MTPN: variants seen among roughly 807,000 people sequenced by gnomAD.
MTPN encodes myotrophin, also known as granule cell differentiation protein.
Under a neutral mutation model 13.5 loss-of-function variants are expected in MTPN, and 2 were observed. The ratio of observed to expected loss-of-function variants is 0.15; its 90% CI spans 0.06 to 0.47. The LOEUF is 0.47. Among genes scored for constraint, MTPN ranks in the 20% least tolerant of loss-of-function variants. MTPN has a pLI of 0.97. For missense variants in MTPN, 79 were observed against 137.9 expected, an observed-to-expected ratio of 0.57 and a Z score of 2.14; for synonymous variants, 46 against 51.7, an observed-to-expected ratio of 0.89 and a Z score of 0.48.
chr7:135,931,891 A>G (rs143158470), intron 3 of MTPN, among the ~76,000 whole-genome samples: 143 of 152,236 alleles, frequency 9.4e-4, no homozygotes, highest in African/African-American at 3.0e-3. Flanking sequence ...TGATGTTTTG[A>G]TACAGGCATA....
chr7:135,968,706 T>C (rs1194613702), intron 1 of MTPN, among the ~76,000 whole-genome samples: 1 of 145,800 alleles, frequency 6.9e-6, no homozygotes, highest in Non-Finnish European at 1.5e-5. Flanking sequence ...GTCCCACAGA[T>C]CACACGATCC....
chr7:135,949,897 G>C (rs1562932197), intron 3 of MTPN, among the ~76,000 whole-genome samples: 1 of 152,166 alleles, frequency 6.6e-6, no homozygotes, highest in Non-Finnish European at 1.5e-5. Flanking sequence ...ACACTTTCCA[G>C]AGTATGGTCA....
At chr7:135,976,531 T>C (rs1217167055) in intron 1 of MTPN, among the ~76,000 whole-genome samples, 1 of 147,126 alleles carries the variant, frequency 6.8e-6, no homozygotes, top group Admixed American at 6.7e-5. Flanking sequence ...CTATTTCTAT[T>C]TTCGGTACTC....
intron 3 of MTPN, among the ~76,000 whole-genome samples, chr7:135,947,435 T>C (rs1584810820): frequency 6.6e-6 from 1 of 152,300 alleles, no homozygotes; most frequent in African/African-American, 2.4e-5. Context: ...AAGCAGATAC[T>C]GATCAACTCA....
chr7:135,943,348 C>G (rs531111479), intron 3 of MTPN, among the ~76,000 whole-genome samples: 1 of 152,180 alleles, frequency 6.6e-6, no homozygotes, highest in Non-Finnish European at 1.5e-5. Context: ...ACATTTGATT[C>G]CCAATTCAAG....
intron 1 of MTPN, among the ~76,000 whole-genome samples, chr7:135,966,928 C>T (rs1412184442): frequency 6.6e-6 from 1 of 152,092 alleles, no homozygotes; most frequent in African/African-American, 2.4e-5. Context: ...AAAAATGCCC[C>T]ACTATAAGCA....
intron 1 of MTPN, among the ~76,000 whole-genome samples, chr7:135,974,323 C>T (rs1367677975): frequency 2.0e-5 from 3 of 152,120 alleles, no homozygotes; most frequent in African/African-American, 4.8e-5. Context: ...GCCAGAAGAT[C>T]GCTTGAGGCT....
rs191577468 is a variant in MTPN, at chr7:135,976,121, T to C, written c.72+908A>G. Among the ~76,000 whole-genome samples the C allele has an allele frequency of 1.8e-4, 27 of 152,352 alleles. No individual in the cohort carries two copies. The East Asian group carries it at 3.5e-3, about 20-fold the overall frequency. Reference sequence around the variant, plus strand: ...AATTAAAATCACATGTTAAGTTCTCTCATAATTACAAAGGCACAGTTTCAG... The same window carrying C: ...AATTAAAATCACATGTTAAGTTCTCCCATAATTACAAAGGCACAGTTTCAG... On this transcript the variant is annotated intron_variant, in intron 1 of 3. Coordinates refer to ENST00000393085, the MANE Select transcript of MTPN (RefSeq NM_145808.4).
rs1798977722 is a variant in MTPN, at chr7:135,929,362, T to C, written c.*564A>G. The C allele has an allele frequency of 1.2e-5, 2 of 167,160 alleles. No homozygotes were observed. Among genetic ancestry groups the C allele is most frequent in the Non-Finnish European group, 2.9e-5 (2 of 68,212 alleles). 10.4% of individuals were successfully genotyped at this position (167,160 alleles called of 1,614,324 possible). On this transcript the variant is annotated 3_prime_UTR_variant, in exon 4 of 4. Coordinates refer to ENST00000393085, the MANE Select transcript of MTPN (RefSeq NM_145808.4). Reference sequence around the variant, plus strand: ...TGCCCCTCCTCACCTTAACTAAGCTTTCACATAAAGCTTAAAGTCACCGAG... The same window carrying C: ...TGCCCCTCCTCACCTTAACTAAGCTCTCACATAAAGCTTAAAGTCACCGAG...
chr7:135,944,721 CTAT>C (rs988058424), intron 3 of MTPN, among the ~76,000 whole-genome samples: 48 of 152,262 alleles, frequency 3.2e-4, no homozygotes, highest in African/African-American at 1.1e-3. Context: ...AGGCAAACTA[CTAT>C]TATTTCTCTT....
chr7:135,977,273 G>A lies in MTPN; in HGVS notation c.-173C>T, dbSNP rs1020476666. 11 of 655,192 alleles carry A rather than the reference G, an allele frequency of 1.7e-5. No individual in the cohort carries two copies. The highest frequency in any genetic ancestry group is 2.7e-5 in the Non-Finnish European group (10 of 373,946). 40.6% of individuals were successfully genotyped at this position (655,192 alleles called of 1,614,324 possible). A position where few individuals can be genotyped will look rare whatever the true frequency, so the allele number is the denominator to read the frequency against. On this transcript the variant is annotated 5_prime_UTR_variant, in exon 1 of 4. Coordinates refer to ENST00000393085, the MANE Select transcript of MTPN (RefSeq NM_145808.4). ...AGGCAGTTGGCCGCGGCGACCGTTC[G>A]GGCGGGAGAAAGAAAGTTCTTTTGC... is the stretch of plus-strand genomic sequence containing the variant.
chr7:135,942,885 G>A (rs1447391505), intron 3 of MTPN, among the ~76,000 whole-genome samples: 1 of 152,224 alleles, frequency 6.6e-6, no homozygotes, highest in Admixed American at 6.5e-5. Context: ...ATGATGTGCT[G>A]TAGTCTAAAA....
chr7:135,950,704 T>C (rs1799352605), intron 2 of MTPN, 22 bp from the exon 3 acceptor site: 1 of 1,528,356 alleles, frequency 6.5e-7, no homozygotes, highest in Non-Finnish European at 9.0e-7. Flanking sequence ...TAAACAGAGA[T>C]AACTTTATCT....
intron 1 of MTPN, chr7:135,960,769 G>T (rs547426374): frequency 6.6e-6 from 1 of 151,664 alleles, no homozygotes; most frequent in Non-Finnish European, 1.5e-5. Context: ...CGGCCTCTCT[G>T]CAAGAGTGAC....
chr7:135,944,230 T>C (rs1345454093), intron 3 of MTPN, among the ~76,000 whole-genome samples: 2 of 152,196 alleles, frequency 1.3e-5, no homozygotes, highest in African/African-American at 4.8e-5. Flanking sequence ...TAGTTGATTA[T>C]TTAGAAATAG....
chr7:135,948,209 C>G (rs1172160856), intron 3 of MTPN, among the ~76,000 whole-genome samples: 12 of 152,072 alleles, frequency 7.9e-5, no homozygotes, highest in Admixed American at 7.9e-4. Flanking sequence ...CAAAAAAAAT[C>G]TGCCTAACAA....
chr7:135,971,933 C>A (rs75487506), intron 1 of MTPN, among the ~76,000 whole-genome samples: 8,193 of 152,198 alleles, frequency 0.054, 282 homozygotes, highest in East Asian at 0.094. Context: ...AAACATTCTG[C>A]AGGCTATCAG....
Position 135,959,613 on chromosome 7 carries a change from C to A in MTPN, c.73-7983G>T, listed in dbSNP as rs1799493109. On this transcript the variant is annotated intron_variant, in intron 1 of 3. Transcript: ENST00000393085. Reference sequence around the variant, plus strand: ...AGTGTGCCATCAACTATTTTTAATCCAGAGAAGAGAAATTAAATATTAAAT... The same window carrying A: ...AGTGTGCCATCAACTATTTTTAATCAAGAGAAGAGAAATTAAATATTAAAT... Among the ~76,000 whole-genome samples, 3 of 151,990 alleles carry A rather than the reference C, an allele frequency of 2.0e-5. No homozygotes were observed. The South Asian group carries it at 6.2e-4, about 32-fold the overall frequency.
At chr7:135,933,841 G>A (rs1799068356) in intron 3 of MTPN, among the ~76,000 whole-genome samples, 1 of 152,096 alleles carries the variant, frequency 6.6e-6, no homozygotes, top group South Asian at 2.1e-4. Context: ...GGAGGTGACT[G>A]GATCACGGGT....
Sources: allele counts gnomAD v4.1 joint callset (sites outside exome capture counted in the v4.1 genomes callset), GRCh38; gene constraint gnomAD v4.1.1; transcripts MANE v1.5; gene names NCBI Gene and HGNC (gene_info 2026-07-23, HGNC 2026-07-21).